The following SNX13 variants were observed in gnomAD, a reference collection of about 807,000 sequenced individuals.
SNX13 encodes the protein sorting nexin 13.
In SNX13, 45 loss-of-function variants were observed where a neutral mutation model predicts 133.6. The ratio of observed to expected loss-of-function variants is 0.34; its 90% confidence interval spans 0.27 to 0.43. SNX13 has a LOEUF of 0.43. SNX13 is among the 20% of genes least tolerant of loss of function. The pLI is 1.00. For missense variants in SNX13, 1,032 were observed against 1,145.1 expected (o/e 0.90, Z 1.43); for synonymous variants, 414 against 373.9 (o/e 1.11, Z -1.24).
Position 17,850,879 on chromosome 7 carries a change from T to C in SNX13, c.923A>G (p.Asp308Gly). 6.2e-7 allele frequency: 1 copy of C among 1,612,414 alleles called. No individual in the cohort carries two copies. The highest frequency in any genetic ancestry group is 8.5e-7 in the Non-Finnish European group (1 of 1,179,296). Residue 308 changes from aspartate (D) to glycine (G), a missense_variant, in exon 10 of 26, where the codon GAT (aspartate) becomes GGT (glycine). Physicochemically the swap from Asp to Gly is moderately conservative, Grantham distance 94. Coordinates refer to ENST00000428135, the MANE Select transcript of SNX13 (RefSeq NM_015132.5). ...ATACTGTAATTCTTCTGCTGCCTTA[T>C]CTCTGACTGCTTCTAGCTCTCCAAT... is the stretch of plus-strand genomic sequence containing the variant. ...DNIGELEAVRDKAAEELQYLR... is the reference protein window; with the variant it reads ...DNIGELEAVRGKAAEELQYLR...
At chr7:17,879,162 A>G (rs560641626) in intron 5 of SNX13, among the ~76,000 whole-genome samples, 12 of 152,208 alleles carry the variant, frequency 7.9e-5, no homozygotes, top group Non-Finnish European at 1.6e-4. Flanking sequence ...TAATCTCAGT[A>G]AGGCACAGAT....
At chr7:17,932,229 C>T (rs10227582) in intron 1 of SNX13, among the ~76,000 whole-genome samples, 84,531 of 151,948 alleles carry the variant, frequency 0.56, 24,075 homozygotes, top group Admixed American at 0.63. Context: ...ATCCAAGTCC[C>T]TCTTGCATTT....
At chr7:17,923,205 G>A (rs1372377115) in intron 1 of SNX13, among the ~76,000 whole-genome samples, 1 of 152,130 alleles carries the variant, frequency 6.6e-6, no homozygotes, top group African/African-American at 2.4e-5. Flanking sequence ...GAAATATCCT[G>A]TTTGAGAAAG....
At chr7:17,893,668 T>C (rs1796883046) in intron 2 of SNX13, among the ~76,000 whole-genome samples, 1 of 152,156 alleles carries the variant, frequency 6.6e-6, no homozygotes, top group Admixed American at 6.6e-5. Context: ...TAATCCAATA[T>C]ATTTCCTAAA....
At chr7:17,830,844 A>T (rs931384409) in intron 15 of SNX13, 1 of 984,262 alleles carries the variant, frequency 1.0e-6, no homozygotes, top group African/African-American at 1.8e-5. Flanking sequence ...AAGAGGTTAT[A>T]TATGAATTTG....
intron 1 of SNX13, among the ~76,000 whole-genome samples, chr7:17,906,495 C>T (rs961390650): frequency 1.3e-5 from 2 of 151,846 alleles, no homozygotes; most frequent in Non-Finnish European, 2.9e-5. Flanking sequence ...TAAATTCACA[C>T]GTAGTTTATT....
chr7:17,902,558 T>C (rs1797950524), intron 1 of SNX13, among the ~76,000 whole-genome samples: 1 of 152,170 alleles, frequency 6.6e-6, no homozygotes, highest in Admixed American at 6.5e-5. Context: ...CACATAAAAA[T>C]AATTGGGTTC....
At chr7:17,846,410 G>C (rs939650454) in intron 11 of SNX13, among the ~76,000 whole-genome samples, 8 of 152,070 alleles carry the variant, frequency 5.3e-5, no homozygotes, top group Non-Finnish European at 1.0e-4. Context: ...AGATGAAAAA[G>C]GTTGCCTATT....
chr7:17,847,553 G>A (rs953390697), intron 11 of SNX13, among the ~76,000 whole-genome samples: 7 of 152,118 alleles, frequency 4.6e-5, no homozygotes, highest in African/African-American at 1.7e-4. Context: ...TATAAGACCA[G>A]AGACTCACAA....
intron 15 of SNX13, among the ~76,000 whole-genome samples, chr7:17,833,047 A>G (rs553924246): frequency 1.3e-5 from 2 of 151,722 alleles, no homozygotes; most frequent in South Asian, 4.1e-4. Flanking sequence ...ATAAGTAAAC[A>G]GTCATAACTG....
In SNX13 at chr7:17,875,703, T is replaced by G; in HGVS notation, c.528A>C (p.Gln176His). Residue 176 changes from glutamine to histidine, a missense_variant, in exon 6 of 26, where the codon CAA becomes CAC. Physicochemically the swap from Gln to His is conservative, Grantham distance 24 (BLOSUM62 0). Coordinates refer to ENST00000428135, the MANE Select transcript of SNX13 (RefSeq NM_015132.5). ...GTHLRVFRKA[Q>H]QKITEKDDQV... ...GATCATCTTTCTCTGTTATTTTCTGTTGAGCCTTTCTGAATACTCGTAAGT... is the reference window on the plus strand; with the variant it reads ...GATCATCTTTCTCTGTTATTTTCTGGTGAGCCTTTCTGAATACTCGTAAGT... The G allele has an allele frequency of 6.2e-7, 1 of 1,611,778 alleles. No individual in the cohort carries two copies. The highest frequency in any genetic ancestry group is 8.5e-7 in the Non-Finnish European group (1 of 1,178,596).
chr7:17,831,707 G>A, intron 15 of SNX13: 2 of 984,062 alleles, frequency 2.0e-6, no homozygotes, highest in Non-Finnish European at 2.4e-6. Flanking sequence ...CTAAAAGGTG[G>A]TCAAAATTTC....
chr7:17,879,470 T>C (rs1795097485), intron 5 of SNX13: 2 of 152,254 alleles, frequency 1.3e-5, no homozygotes, highest in South Asian at 2.1e-4. Flanking sequence ...GATTCCTTTT[T>C]CAGGGTCGGA....
chr7:17,813,587 C>CTTTT (rs1013139810), intron 20 of SNX13, among the ~76,000 whole-genome samples: 1 of 138,438 alleles, frequency 7.2e-6, no homozygotes, highest in Non-Finnish European at 1.6e-5. Flanking sequence ...ATATGAACTC[C>CTTTT]TTTTTTTTTT....
chr7:17,801,526 A>T, intron 22 of SNX13, 62 bp downstream of exon 22: 1 of 1,302,370 alleles, frequency 7.7e-7, no homozygotes, highest in South Asian at 1.3e-5. Flanking sequence ...TTCATTAAAA[A>T]GTTAAAAAGA....
At chr7:17,831,598 T>C (rs1226098314) in intron 15 of SNX13, 1 of 984,062 alleles carries the variant, frequency 1.0e-6, no homozygotes, top group Non-Finnish European at 1.2e-6. Context: ...CTATACCATA[T>C]GATATGACTT....
chr7:17,896,364 T>G (rs1047358285), intron 2 of SNX13, among the ~76,000 whole-genome samples: 1 of 152,208 alleles, frequency 6.6e-6, no homozygotes, highest in African/African-American at 2.4e-5. Context: ...TCTCACTTGT[T>G]CAAGCATATG....
intron 20 of SNX13, among the ~76,000 whole-genome samples, chr7:17,809,024 G>A (rs1442250474): frequency 2.6e-5 from 4 of 152,028 alleles, no homozygotes; most frequent in East Asian, 1.9e-4. Flanking sequence ...AAAGACCATC[G>A]ATGCTAGGAA....
chr7:17,895,632 C>T (rs1264172088), intron 2 of SNX13, among the ~76,000 whole-genome samples: 1 of 152,086 alleles, frequency 6.6e-6, no homozygotes, highest in African/African-American at 2.4e-5. Flanking sequence ...ACTTTGTAAG[C>T]ATCCAAAAGA....
Sources: allele counts gnomAD v4.1 joint callset (sites outside exome capture counted in the v4.1 genomes callset), GRCh38; gene constraint gnomAD v4.1.1; transcripts MANE v1.5; gene names NCBI Gene and HGNC (gene_info 2026-07-23, HGNC 2026-07-21).